PSIP1: variants seen among roughly 807,000 people sequenced by gnomAD.
PSIP1 encodes PC4 and SFRS1-interacting protein.
In PSIP1, 19 loss-of-function variants were observed where a neutral mutation model predicts 74.7. The observed-to-expected ratio is 0.25, with a 90% CI of 0.18 to 0.37. The LOEUF (loss-of-function observed/expected upper bound fraction) is 0.37, where lower values mean the gene tolerates loss of function less well. Among genes scored for constraint, PSIP1 ranks in the 10% least tolerant of loss-of-function variants. PSIP1 has a pLI of 1.00. For missense variants in PSIP1, 601 were observed against 614.3 expected (o/e 0.98, Z 0.23); for synonymous variants, 222 against 195.3 (o/e 1.14, Z -1.14).
chr9:15,492,658 G>A (rs981719619), intron 3 of PSIP1, among the ~76,000 whole-genome samples: 11 of 152,194 alleles, frequency 7.2e-5, no homozygotes, highest in African/African-American at 2.2e-4. Context: ...CTTCCACACA[G>A]TCCTAGCACA....
At chr9:15,469,104 C>T (rs1468672348) in intron 12 of PSIP1, 46 bp from the exon 13 acceptor site, 31 of 1,514,874 alleles carry the variant, frequency 2.0e-5, no homozygotes, top group Non-Finnish European at 2.7e-5. Flanking sequence ...TATCTTAACA[C>T]TTAAACAATC....
intron 4 of PSIP1, among the ~76,000 whole-genome samples, chr9:15,489,632 A>G (rs896947359): frequency 1.3e-5 from 2 of 150,898 alleles, no homozygotes; most frequent in Non-Finnish European, 3.0e-5. Flanking sequence ...AAAAAAAGAA[A>G]TTTAATTAAT....
In PSIP1 at chr9:15,489,677, C is replaced by G. The variant is rs1187583686; in HGVS notation, c.288+309G>C. ...AGAATAAGAAAACTTAGGCATACACCATGTAAGTCGCAAAACCTAAATTTA... is the reference window on the plus strand; with the variant it reads ...AGAATAAGAAAACTTAGGCATACACGATGTAAGTCGCAAAACCTAAATTTA... On this transcript the variant is annotated intron_variant, in intron 4 of 15. Coordinates refer to ENST00000380733, the MANE Select transcript of PSIP1 (RefSeq NM_033222.5). Among the ~76,000 whole-genome samples the G allele has an allele frequency of 4.0e-5, 6 of 150,626 alleles. No homozygotes were observed. The East Asian group carries it at 1.2e-3, about 29-fold the overall frequency.
In PSIP1 at chr9:15,510,330, C is replaced by G. The variant is rs1249805475; in HGVS notation, c.-141-1G>C. ...GCCTCGGGGCGTCCCGACGCGCCTGCTAGGGAGAGCACCGAGGGCGGTTAA... is the reference window on the plus strand; with the variant it reads ...GCCTCGGGGCGTCCCGACGCGCCTGGTAGGGAGAGCACCGAGGGCGGTTAA... On this transcript the variant is annotated splice_acceptor_variant, in intron 1 of 15. Coordinates refer to ENST00000380733, the MANE Select transcript of PSIP1 (RefSeq NM_033222.5). LOFTEE classifies it low-confidence loss of function (5UTR_SPLICE). 1 of 358,732 alleles carries G rather than the reference C, an allele frequency of 2.8e-6. No homozygotes were observed. Among genetic ancestry groups the G allele is most frequent in the African/African-American group, 2.5e-5 (1 of 40,336 alleles). The allele number at this position is 358,732 out of a possible 1,614,324, so 22.2% of individuals were successfully genotyped here. A position where few individuals can be genotyped will look rare whatever the true frequency, so the allele number is the denominator to read the frequency against.
chr9:15,495,837 C>T (rs1312546796), intron 3 of PSIP1, among the ~76,000 whole-genome samples: 1 of 152,192 alleles, frequency 6.6e-6, no homozygotes, highest in Admixed American at 6.5e-5. Flanking sequence ...CACTAAGTTT[C>T]TCTGGCTGGA....
At chr9:15,468,180 C>G (rs909376240) in intron 14 of PSIP1, among the ~76,000 whole-genome samples, 3 of 150,900 alleles carry the variant, frequency 2.0e-5, no homozygotes, top group African/African-American at 7.3e-5. Context: ...TTCAGGGTAA[C>G]TCAGCAGCAT....
Position 15,465,521 on chromosome 9 carries a change from T to G in PSIP1, c.1592A>C (p.Ter531SerextTer7). ...TCTCTATATTCCAGGTATGTCAACC[T>G]AGTTATCTAGTGTAGAATCCTTCAG... ...ISLKDSTLDN* is the reference protein window; with the variant it reads ...ISLKDSTLDNS The change falls in exon 16 of 16, where the codon TAG becomes TCG. Residue 531 changes from the stop codon to serine (S), a stop_lost. Coordinates refer to ENST00000380733, the MANE Select transcript of PSIP1 (RefSeq NM_033222.5). The G allele has an allele frequency of 6.4e-7, 1 of 1,555,634 alleles. No homozygotes were observed. Among genetic ancestry groups the G allele is most frequent in the Non-Finnish European group, 8.8e-7 (1 of 1,134,710 alleles).
chr9:15,479,022 G>C (rs939579229), intron 7 of PSIP1, among the ~76,000 whole-genome samples: 1 of 151,476 alleles, frequency 6.6e-6, no homozygotes, highest in Non-Finnish European at 1.5e-5. Context: ...TTTCTTTTCT[G>C]GGTATTACTC....
Position 15,474,140 on chromosome 9 carries a change from T to C in PSIP1, c.727A>G (p.Lys243Glu), listed in dbSNP as rs1264405198. ...TTTTTATCCGGCTCTTTTCTTGGCT[T>C]ATCTTCTTCCTTCTGGCCCTCTTCA... ...KDEEGQKEED[K>E]PRKEPDKKEG... Residue 243 changes from lysine (K) to glutamate (E), a missense_variant, in exon 9 of 16, where the codon AAG becomes GAG. This residue lies in a region of PSIP1 where 538 missense variants were observed against 507.6 expected (regional missense o/e 1.06). Coordinates refer to ENST00000380733, the MANE Select transcript of PSIP1 (RefSeq NM_033222.5). The C allele has an allele frequency of 6.2e-7, 1 of 1,613,610 alleles. No individual in the cohort carries two copies. The highest frequency in any genetic ancestry group is 1.3e-5 in the African/African-American group (1 of 74,904).
intron 14 of PSIP1, chr9:15,468,376 G>A (rs1304749218): frequency 1.4e-6 from 1 of 692,682 alleles, no homozygotes; most frequent in African/African-American, 1.7e-5. Context: ...TTTAAAAATT[G>A]TTTATCCAGA....
Position 15,506,572 on chromosome 9 carries a change from T to G in PSIP1, c.138A>C (p.Gly46=), listed in dbSNP as rs1275845940. 1 of 1,609,294 alleles carries G rather than the reference T, an allele frequency of 6.2e-7. No homozygotes were observed. The highest frequency in any genetic ancestry group is 1.7e-5 in the Admixed American group (1 of 59,962). The part of the protein sequence containing the change: ...PTNKLPIFFF[G]THETAFLGPK... The stretch of plus-strand genomic sequence containing the variant: ...CTAACAGGACTTACGTCTCATGAGT[T>G]CCAAAAAAGAAAATGGGTAGTTTGT... The change falls in exon 3 of 16, where the codon GGA becomes GGC. Residue 46 remains glycine (G), a synonymous_variant. Transcript: ENST00000380733.
At chr9:15,491,418 C>T (rs2036826468) in intron 3 of PSIP1, among the ~76,000 whole-genome samples, 1 of 152,200 alleles carries the variant, frequency 6.6e-6, no homozygotes, top group Non-Finnish European at 1.5e-5. Flanking sequence ...CAAGTCTTTC[C>T]ACTACTCAGT....
In PSIP1 at chr9:15,490,814, G is replaced by A. The variant is rs113644148; in HGVS notation, c.150-690C>T. 3.6e-3 allele frequency among the ~76,000 whole-genome samples: 549 copies of A among 150,808 alleles called. 1 individual carries two copies. Among genetic ancestry groups the A allele is most frequent in the Non-Finnish European group, 6.4e-3 (438 of 67,920 alleles). On this transcript the variant is annotated intron_variant, in intron 3 of 15. Transcript: ENST00000380733. ...TATAGTTTCACTTCAAAATAACTTC[G>A]TATATTATACAACTCACAAAACTAT...
chr9:15,510,179 C>T lies in PSIP1; in HGVS notation c.10G>A (p.Asp4Asn). 1.9e-6 allele frequency: 3 copies of T among 1,604,220 alleles called. No homozygotes were observed. Among genetic ancestry groups the T allele is most frequent in the Non-Finnish European group, 2.6e-6 (3 of 1,175,660 alleles). MTR[D>N]FKPGDLIFAK... ...AAGATGAGGTCTCCAGGTTTGAAATCGCGAGTCATGTTTCGGGGGCGAGAC... is the reference window on the plus strand; with the variant it reads ...AAGATGAGGTCTCCAGGTTTGAAATTGCGAGTCATGTTTCGGGGGCGAGAC... Residue 4 changes from aspartate to asparagine, a missense_variant, in exon 2 of 16, where the codon GAT (aspartate) becomes AAT (asparagine). Asp to Asn is a conservative substitution (Grantham distance 23). Around this residue, in one of 2 missense-constraint regions of PSIP1, gnomAD observed 63 missense variants for 106.7 expected, o/e 0.59. Transcript: ENST00000380733.
At chr9:15,480,131 AC>A (rs1415187800) in intron 6 of PSIP1, among the ~76,000 whole-genome samples, 12 of 152,206 alleles carry the variant, frequency 7.9e-5, no homozygotes, top group African/African-American at 2.9e-4. Context: ...GAATCCACTG[AC>A]CATTTGCAAA....
intron 2 of PSIP1, 120 bp downstream of exon 2, chr9:15,509,997 A>G: frequency 9.7e-7 from 1 of 1,027,018 alleles, no homozygotes; most frequent in Non-Finnish European, 1.4e-6. Context: ...AGGTCAGGTT[A>G]CAAATGAGAC....
chr9:15,470,541 A>G (rs1039342064), intron 10 of PSIP1: 1 of 879,714 alleles, frequency 1.1e-6, no homozygotes, highest in Non-Finnish European at 1.4e-6. Context: ...ACCACTTAAA[A>G]TTGAAATCTT....
intron 6 of PSIP1, among the ~76,000 whole-genome samples, chr9:15,483,171 A>C (rs950251164): frequency 2.6e-5 from 4 of 152,106 alleles, no homozygotes; most frequent in Admixed American, 2.6e-4. Flanking sequence ...CTGCATCTGT[A>C]ACTTACATCT....
At chr9:15,477,106 A>C (rs1372529013) in intron 8 of PSIP1, among the ~76,000 whole-genome samples, 2 of 152,196 alleles carry the variant, frequency 1.3e-5, no homozygotes, top group Non-Finnish European at 2.9e-5. Context: ...TCCCAGCAGA[A>C]TTTCAGATTT....
Sources: allele counts gnomAD v4.1 joint callset (sites outside exome capture counted in the v4.1 genomes callset), GRCh38; gene constraint gnomAD v4.1.1; regional missense constraint gnomAD v4.1.1; transcripts MANE v1.5; gene names NCBI Gene and HGNC (gene_info 2026-07-23, HGNC 2026-07-21).